The following MAST4 variants were observed in gnomAD, a reference collection of about 807,000 sequenced individuals.
MAST4 encodes microtubule associated serine/threonine kinase family member 4, also known as microtubule-associated serine/threonine-protein kinase 4.
Under a neutral mutation model 162.7 loss-of-function variants are expected in MAST4, and 89 were observed. The observed-to-expected ratio is 0.55, with a 90% CI of 0.46 to 0.65. The LOEUF is 0.65. MAST4 is among the 30% of genes least tolerant of loss of function. MAST4 has a pLI of 0.00. For synonymous variants in MAST4, 1,479 were observed against 1,361.1 expected (o/e 1.09, Z -1.91); for missense variants, 3,153 against 3,374.0 (o/e 0.93, Z 1.62).
chr5:66,823,461 A>T (rs1184387156), intron 3 of MAST4, among the ~76,000 whole-genome samples: 3 of 152,178 alleles, frequency 2.0e-5, no homozygotes, highest in Non-Finnish European at 1.5e-5. Context: ...CCGGCACGTA[A>T]TGTGATCAAC....
At chr5:67,005,021 A>G (rs752529881) in intron 4 of MAST4, 1 of 774,902 alleles carries the variant, frequency 1.3e-6, no homozygotes, top group South Asian at 1.4e-5. Context: ...CAATTTTTGG[A>G]CTGTGCTCTC....
chr5:66,993,853 C>T (rs1001240614), intron 4 of MAST4, among the ~76,000 whole-genome samples: 1 of 149,726 alleles, frequency 6.7e-6, no homozygotes, highest in Non-Finnish European at 1.5e-5. Flanking sequence ...ATCACCTGGA[C>T]ATTTTAGTAG....
intron 2 of MAST4, among the ~76,000 whole-genome samples, chr5:66,760,849 GATAA>G (rs1293405520): frequency 6.9e-6 from 1 of 145,910 alleles, no homozygotes; most frequent in Non-Finnish European, 1.5e-5. Context: ...ACAAAGAAAT[GATAA>G]ATGTTTGAGA....
Position 67,164,837 on chromosome 5 carries a change from A to G in MAST4, c.5658A>G (p.Ser1886=). 6.2e-7 allele frequency: 1 copy of G among 1,613,960 alleles called. No homozygotes were observed. The highest frequency in any genetic ancestry group is 8.5e-7 in the Non-Finnish European group (1 of 1,179,878). The change falls in exon 29 of 29, where the codon TCA becomes TCG. Residue 1886 remains serine, a synonymous_variant. Coordinates refer to ENST00000403625, the MANE Select transcript of MAST4 (RefSeq NM_001164664.2). The surrounding 1 kb of genome is among the most constrained non-coding windows in gnomAD (Gnocchi z 5.3). ...CCCCCAGCCGAGGTCTCCAGAATTC[A>G]CCAGCAGTTTCCCTGCCTGACCCAG... ...FLPPSRGLQN[S]PAVSLPDPEF...
chr5:66,851,645 A>G (rs1759320885), intron 3 of MAST4, among the ~76,000 whole-genome samples: 2 of 152,210 alleles, frequency 1.3e-5, no homozygotes, highest in African/African-American at 2.4e-5. Flanking sequence ...CTATGTATCT[A>G]AATCCCTTTT....
chr5:67,074,247 GAC>G (rs1373474794), intron 5 of MAST4, among the ~76,000 whole-genome samples: 3 of 152,056 alleles, frequency 2.0e-5, no homozygotes, highest in Admixed American at 6.5e-5. Context: ...AAAATGATGA[GAC>G]ATCAGTTTCC....
intron 1 of MAST4, among the ~76,000 whole-genome samples, chr5:66,687,667 T>G (rs201065828): frequency 0.2 from 30,889 of 151,448 alleles, 3,622 homozygotes; most frequent in Admixed American, 0.31. Context: ...TATCTATCTA[T>G]CTATCTATCT....
At chr5:66,601,292 G>C (rs1193470795) in intron 1 of MAST4, among the ~76,000 whole-genome samples, 2 of 152,160 alleles carry the variant, frequency 1.3e-5, no homozygotes, top group Admixed American at 6.5e-5. Flanking sequence ...ACCAAATTCA[G>C]TAAGAGCCAC....
intron 3 of MAST4, among the ~76,000 whole-genome samples, chr5:66,897,416 G>C (rs1307227036): frequency 6.6e-6 from 1 of 152,266 alleles, no homozygotes; most frequent in Non-Finnish European, 1.5e-5. Flanking sequence ...GACAGGTGCA[G>C]ATTTATCAGC....
chr5:66,996,164 G>A (rs1454488590), intron 4 of MAST4, among the ~76,000 whole-genome samples: 3 of 151,764 alleles, frequency 2.0e-5, no homozygotes, highest in Non-Finnish European at 4.4e-5. Context: ...GTGTAATCCC[G>A]GCTACTCGGG....
At chr5:67,098,398 A>T (rs1188763531) in intron 7 of MAST4, among the ~76,000 whole-genome samples, 2 of 152,192 alleles carry the variant, frequency 1.3e-5, no homozygotes, top group East Asian at 3.8e-4. Context: ...TATTCAGATA[A>T]TTCTTAATTT....
chr5:66,654,097 T>G (rs924740981), intron 1 of MAST4, among the ~76,000 whole-genome samples: 1 of 152,186 alleles, frequency 6.6e-6, no homozygotes, highest in Non-Finnish European at 1.5e-5. Context: ...GAAGCAGACA[T>G]TAAATAAACA....
intron 3 of MAST4, among the ~76,000 whole-genome samples, chr5:66,858,681 T>G (rs531553027): frequency 1.3e-4 from 20 of 152,318 alleles, no homozygotes; most frequent in African/African-American, 4.3e-4. Context: ...TTAAGTAAAT[T>G]TTTAAAATTG....
chr5:66,839,856 G>T (rs931356524), intron 3 of MAST4, among the ~76,000 whole-genome samples: 25 of 152,038 alleles, frequency 1.6e-4, no homozygotes, highest in African/African-American at 5.6e-4. Context: ...GTTCAACTAA[G>T]AAAAACACAT....
chr5:66,896,405 A>C (rs1181694547), intron 3 of MAST4, among the ~76,000 whole-genome samples: 1 of 152,170 alleles, frequency 6.6e-6, no homozygotes, highest in Non-Finnish European at 1.5e-5. Flanking sequence ...GGGTTTCCCT[A>C]CTATAATGTT....
At chr5:66,726,653 T>G (rs1751539182) in intron 1 of MAST4, among the ~76,000 whole-genome samples, 2 of 152,098 alleles carry the variant, frequency 1.3e-5, no homozygotes, top group African/African-American at 4.8e-5. Context: ...TCTAAGGTTC[T>G]TACTGGTCCA....
intron 2 of MAST4, among the ~76,000 whole-genome samples, chr5:66,778,851 C>G (rs1430505160): frequency 6.6e-6 from 1 of 152,170 alleles, no homozygotes; most frequent in African/African-American, 2.4e-5. Context: ...ACCTTGATTT[C>G]TGTATTGTAG....
chr5:66,707,206 A>G (rs56336097), intron 1 of MAST4, among the ~76,000 whole-genome samples: 77 of 152,326 alleles, frequency 5.1e-4, no homozygotes, highest in Non-Finnish European at 8.8e-4. Flanking sequence ...TGAAAGTGCT[A>G]GAAGATGTTG....
intron 5 of MAST4, among the ~76,000 whole-genome samples, chr5:67,069,229 CTT>C (rs1353346947): frequency 6.8e-6 from 1 of 146,946 alleles, no homozygotes; most frequent in African/African-American, 2.6e-5. Context: ...TCAAATATGA[CTT>C]TGAACAATTC....
Sources: allele counts gnomAD v4.1 joint callset (sites outside exome capture counted in the v4.1 genomes callset), GRCh38; gene constraint gnomAD v4.1.1; non-coding constraint Gnocchi (gnomAD v3.1); transcripts MANE v1.5; gene names NCBI Gene and HGNC (gene_info 2026-07-23, HGNC 2026-07-21).